Variants in TMPRSS4 observed in about 807,000 individuals in gnomAD.
TMPRSS4 encodes the protein transmembrane protease serine 4.
A neutral mutation model predicts 56.4 loss-of-function variants in TMPRSS4; 45 were observed. The ratio of observed to expected loss-of-function variants is 0.80; its 90% CI spans 0.63 to 1.02. TMPRSS4 has a LOEUF of 1.02. Among genes scored for constraint, TMPRSS4 ranks in the 50% least tolerant of loss-of-function variants. TMPRSS4 has a pLI of 0.00. For synonymous variants in TMPRSS4, 205 were observed against 211.0 expected, an observed-to-expected ratio of 0.97 and a Z score of 0.25; for missense variants, 546 against 556.7, an observed-to-expected ratio of 0.98 and a Z score of 0.19.
Position 118,077,117 on chromosome 11 carries a change from C to T in TMPRSS4, c.-186C>T, listed in dbSNP as rs537458087. 8 of 583,726 alleles carry T rather than the reference C, an allele frequency of 1.4e-5. No individual in the cohort carries two copies. The highest frequency in any genetic ancestry group is 5.8e-5 in the African/African-American group (3 of 51,690). The allele number at this position is 583,726 out of a possible 1,614,324, so 36.2% of individuals were successfully genotyped here. On this transcript the variant is annotated 5_prime_UTR_variant, in exon 1 of 13. Transcript: ENST00000437212. ...CAGAGAGAGGCAGCAGCTTGCTCAG[C>T]GGACAAGGATGCTGGGCGTGAGGGA...
chr11:118,111,922 G>C, intron 8 of TMPRSS4, 22 bp downstream of exon 8: 1 of 1,595,204 alleles, frequency 6.3e-7, no homozygotes, highest in Non-Finnish European at 8.5e-7. Context: ...GCTGTAAGGA[G>C]GTCTCTGGGG....
At chr11:118,101,196 AT>A (rs1294523130) in intron 3 of TMPRSS4, among the ~76,000 whole-genome samples, 1 of 152,164 alleles carries the variant, frequency 6.6e-6, no homozygotes, top group Non-Finnish European at 1.5e-5. Context: ...CTGACCTTCA[AT>A]TCTCCACGTC....
chr11:118,099,618 G>C (rs1217516568), intron 3 of TMPRSS4, among the ~76,000 whole-genome samples: 1 of 152,160 alleles, frequency 6.6e-6, no homozygotes, highest in Non-Finnish European at 1.5e-5. Context: ...TCTAGAGGGA[G>C]AGCACAGTGG....
At chr11:118,097,124 G>T (rs9651686) in intron 2 of TMPRSS4, among the ~76,000 whole-genome samples, 128,655 of 140,186 alleles carry the variant, frequency 0.92, 59,360 homozygotes, top group Non-Finnish European at 0.94. Context: ...CATCTGTTCA[G>T]GTGACAAATA....
At chr11:118,108,920 G>A (rs769224349) in intron 7 of TMPRSS4, 24 bp downstream of exon 7, 1 of 1,612,990 alleles carries the variant, frequency 6.2e-7, no homozygotes, top group Admixed American at 1.7e-5. Context: ...ATCTCTGAGG[G>A]TTTGGGGCCT....
intron 5 of TMPRSS4, chr11:118,106,481 C>T (rs1946995342): frequency 1.3e-5 from 2 of 149,768 alleles, no homozygotes; most frequent in South Asian, 4.3e-4. Context: ...TCATCTAGTC[C>T]ACGCATCTTT....
At chr11:118,125,391 A>G (rs1365191338), downstream of TMPRSS4, 17 of 456,350 alleles carry the variant, frequency 3.7e-5, no homozygotes, top group East Asian at 1.2e-3. Context: ...AGCTCGGCAC[A>G]CACATCGCCT....
downstream of TMPRSS4, among the ~76,000 whole-genome samples, chr11:118,123,641 G>A (rs1042180873): frequency 6.6e-6 from 1 of 152,026 alleles, no homozygotes; most frequent in Non-Finnish European, 1.5e-5. Context: ...TCTTGCCTTA[G>A]CCTCCCAAGT....
chr11:118,111,914 T>G lies in TMPRSS4; in HGVS notation c.743+14T>G, dbSNP rs902383742. ...CCACTGCTTCAGGTAAGACCCCAGC[T>G]GTAAGGAGGTCTCTGGGGACCAAGG... is the stretch of plus-strand genomic sequence containing the variant. On this transcript the variant is annotated intron_variant, in intron 8 of 12. Coordinates refer to ENST00000437212, the MANE Select transcript of TMPRSS4 (RefSeq NM_019894.4). 1 of 1,600,928 alleles carries G rather than the reference T, an allele frequency of 6.2e-7. No individual in the cohort carries two copies. The highest frequency in any genetic ancestry group is 1.3e-5 in the African/African-American group (1 of 74,080).
At position 118,121,634 on chromosome 11, in the gene TMPRSS4, C is replaced by T. The variant is rs1947797550; in HGVS notation, c.*3721C>T. 6.6e-6 allele frequency: 1 copy of T among 152,208 alleles called. No individual in the cohort carries two copies. The highest frequency in any genetic ancestry group is 1.5e-5 in the Non-Finnish European group (1 of 68,040). The allele number at this position is 152,208 out of a possible 1,614,324, so 9.4% of individuals were successfully genotyped here. A position where few individuals can be genotyped will look rare whatever the true frequency, so the allele number is the denominator to read the frequency against. On this transcript the variant is annotated 3_prime_UTR_variant, in exon 13 of 13. Coordinates refer to ENST00000437212, the MANE Select transcript of TMPRSS4 (RefSeq NM_019894.4). ...TCGGCCTCCCAAAGTGCTGGGATTACAGGCGTGTCTACATATTATTAAAAT... is the reference window on the plus strand; with the variant it reads ...TCGGCCTCCCAAAGTGCTGGGATTATAGGCGTGTCTACATATTATTAAAAT...
chr11:118,099,504 A>G (rs1946625610), intron 3 of TMPRSS4, among the ~76,000 whole-genome samples: 2 of 151,800 alleles, frequency 1.3e-5, no homozygotes, highest in South Asian at 4.2e-4. Context: ...AAAGAAAGAC[A>G]TGTATCCACC....
At position 118,119,428 on chromosome 11, in the gene TMPRSS4, T is replaced by G; in HGVS notation, c.*1515T>G. On this transcript the variant is annotated 3_prime_UTR_variant, in exon 13 of 13. Coordinates refer to ENST00000437212, the MANE Select transcript of TMPRSS4 (RefSeq NM_019894.4). ...AGATCCTCCAAATATGAGCTCACAA[T>G]CAAAGATCAGAGACGTTGAAAAATA... 9 of 912,214 alleles carry G rather than the reference T, an allele frequency of 9.9e-6. No individual in the cohort carries two copies. Among genetic ancestry groups the G allele is most frequent in the Non-Finnish European group, 1.0e-5 (8 of 763,482 alleles). 56.5% of individuals were successfully genotyped at this position (912,214 alleles called of 1,614,324 possible). A position where few individuals can be genotyped will look rare whatever the true frequency, so the allele number is the denominator to read the frequency against.
intron 3 of TMPRSS4, among the ~76,000 whole-genome samples, chr11:118,100,857 T>C (rs185684286): frequency 1.3e-3 from 194 of 152,294 alleles, no homozygotes; most frequent in African/African-American, 4.5e-3. Context: ...GTGGCTTCCA[T>C]ATCCTGGGCC....
Position 118,108,080 on chromosome 11 carries a change from A to G in TMPRSS4, c.542+205A>G. ...TTTTCTGTGTTGACTTGTTTTTAAT[A>G]CAATGGACAGCTGGACAAAGTGTGT... On this transcript the variant is annotated intron_variant, in intron 6 of 12. Transcript: ENST00000437212. 5.5e-6 allele frequency: 3 copies of G among 549,388 alleles called. No individual in the cohort carries two copies. In the East Asian group the frequency reaches 8.8e-5, roughly 16 times the overall value. 34.0% of individuals were successfully genotyped at this position (549,388 alleles called of 1,614,324 possible).
intron 11 of TMPRSS4, chr11:118,115,664 AATACAAAAATTAGCTGG>A: frequency 5.7e-6 from 1 of 174,638 alleles, no homozygotes; most frequent in South Asian, 1.4e-4. Flanking sequence ...TACTAAAAAG[AATACAAAAATTAGCTGG>A]GCGTGGTGGC....
At position 118,118,005 on chromosome 11, in the gene TMPRSS4, C is replaced by T; in HGVS notation, c.*92C>T. On this transcript the variant is annotated 3_prime_UTR_variant, in exon 13 of 13. Coordinates refer to ENST00000437212, the MANE Select transcript of TMPRSS4 (RefSeq NM_019894.4). ...AAGTCAGACACAGAGCAAGAGTCCC[C>T]TTGGGTACACCCCTCTGCCCACAGC... The T allele has an allele frequency of 6.2e-7, 1 of 1,607,056 alleles. No homozygotes were observed. The highest frequency in any genetic ancestry group is 8.5e-7 in the Non-Finnish European group (1 of 1,178,718).
intron 9 of TMPRSS4, 103 bp downstream of exon 9, chr11:118,113,538 AAGTCCTC>A: frequency 7.4e-7 from 1 of 1,354,636 alleles, no homozygotes; most frequent in Non-Finnish European, 1.0e-6. Flanking sequence ...GTCTCCTCTC[AAGTCCTC>A]AGCTTGCCCA....
At chr11:118,109,041 C>T (rs1427946562) in intron 7 of TMPRSS4, 145 bp downstream of exon 7, 2 of 808,302 alleles carry the variant, frequency 2.5e-6, no homozygotes, top group Non-Finnish European at 3.9e-6. Context: ...GTCAATGCCC[C>T]CTCGAGTTGT....
At chr11:118,108,749 C>T (rs78308869) in intron 6 of TMPRSS4, 107 bp from the exon 7 acceptor site, 25,118 of 1,077,874 alleles carry the variant, frequency 0.023, 1,334 homozygotes, top group African/African-American at 0.15. Context: ...TTCCACATTC[C>T]CGAGGTATTG....
Sources: gnomAD v4.1 joint callset for allele counts (sites outside exome capture counted in the v4.1 genomes callset) on GRCh38, gnomAD v4.1.1 for gene constraint, MANE v1.5 for transcripts, NCBI Gene and HGNC (gene_info 2026-07-23, HGNC 2026-07-21) for gene names.